H1-7: variants seen among roughly 807,000 people sequenced by gnomAD.
H1-7 encodes the protein testis-specific H1 histone.
H1-7 carries 1 observed loss-of-function variant against 0.3 expected under a neutral mutation model. The observed-to-expected ratio is 3.06, with a 90% CI of 1.09 to 14.53. The LOEUF (loss-of-function observed/expected upper bound fraction) is 14.53. Among genes scored for constraint, H1-7 ranks in the 30% most tolerant of loss-of-function variants. The pLI is 0.12. For missense variants in H1-7, 393 were observed against 353.1 expected, an observed-to-expected ratio of 1.11 and a Z score of -0.91; for synonymous variants, 177 against 153.2, an observed-to-expected ratio of 1.16 and a Z score of -1.15.
chr12:48,329,063 G>GCCGTA lies in H1-7; in HGVS notation c.-229_-228insCCGTA. 1 of 493,140 alleles carries GCCGTA rather than the reference G, an allele frequency of 2.0e-6. No individual in the cohort carries two copies. The highest frequency in any genetic ancestry group is 3.5e-6 in the Non-Finnish European group (1 of 284,518). 30.5% of individuals were successfully genotyped at this position (493,140 alleles called of 1,614,324 possible). A position where few individuals can be genotyped will look rare whatever the true frequency, so the allele number is the denominator to read the frequency against. ...AAGAAAGCGGTGGAGATCGAGATCA[G>GCCGTA]TAAGTTTGATTTGGGAACAAAACCC... is the stretch of plus-strand genomic sequence containing the variant. On this transcript the variant is annotated 5_prime_UTR_variant, in exon 1 of 1. Coordinates refer to ENST00000335017, the MANE Select transcript of H1-7 (RefSeq NM_181788.1).
Position 48,329,961 on chromosome 12 carries a change from G to C in H1-7, c.670G>C (p.Asp224His), listed in dbSNP as rs1173443093. Residue 224 changes from aspartate (D) to histidine (H), a missense_variant, in exon 1 of 1, where the codon GAC becomes CAC. Coordinates refer to ENST00000335017, the MANE Select transcript of H1-7 (RefSeq NM_181788.1). ...GGGGCGAGGACAGGCCGTGAAGGAA[G>C]ACACCACGCCGAGGTCAGGGAAGGA... is the stretch of plus-strand genomic sequence containing the variant. ...DEGRGQAVKE[D>H]TTPRSGKDKR... 6.2e-7 allele frequency: 1 copy of C among 1,612,580 alleles called. No homozygotes were observed.
At position 48,329,324 on chromosome 12, in the gene H1-7, C is replaced by T; in HGVS notation, c.33C>T (p.Ser11=). MEQALTGEAQ[S]RWPRRGGSGA... ...AGGCCTTGACTGGTGAGGCCCAAAGCCGGTGGCCCCGCAGAGGCGGGAGTG... is the reference window on the plus strand; with the variant it reads ...AGGCCTTGACTGGTGAGGCCCAAAGTCGGTGGCCCCGCAGAGGCGGGAGTG... The change falls in exon 1 of 1, where the codon AGC becomes AGT. Residue 11 remains serine (S), a synonymous_variant. Transcript: ENST00000335017. The T allele has an allele frequency of 6.2e-7, 1 of 1,601,446 alleles. No homozygotes were observed. The highest frequency in any genetic ancestry group is 1.1e-5 in the South Asian group (1 of 88,542).
At chr12:48,330,008 CAGGGAAGAGA>C in the H1-7 span, 2 of 1,613,720 alleles carry the variant, frequency 1.2e-6, no homozygotes, top group Non-Finnish European at 1.7e-6. Context: ...GCTCCAAGCC[CAGGGAAGAGA>C]AGCAGGAGCC....
At position 48,329,778 on chromosome 12, in the gene H1-7, A is replaced by G. The variant is rs201036916; in HGVS notation, c.487A>G (p.Lys163Glu). Residue 163 changes from lysine to glutamate, a missense_variant, in exon 1 of 1, where the codon AAG becomes GAG. Transcript: ENST00000335017. ...CCGGAGGCGCCGCCAGCCCCTTCGC[A>G]AGGCGGCCAGGAAGGCCAGAGAAGT... is the stretch of plus-strand genomic sequence containing the variant. Reference protein sequence around the residue: ...SSRRRRQPLRKAARKAREVWR... With the variant: ...SSRRRRQPLREAARKAREVWR... The G allele has an allele frequency of 8.9e-4, 1,416 of 1,599,614 alleles. 16 individuals carry two copies. The highest frequency in any genetic ancestry group is 1.2e-4 in the Non-Finnish European group (140 of 1,174,184).
chr12:48,329,992 G>C lies in H1-7; in HGVS notation c.701G>C (p.Arg234Thr). The C allele has an allele frequency of 6.2e-7, 1 of 1,613,880 alleles. No individual in the cohort carries two copies. Among genetic ancestry groups the C allele is most frequent in the Admixed American group, 1.7e-5 (1 of 60,008 alleles). ...DTTPRSGKDK[R>T]RSSKPREEKQ... ...ACGCCGAGGTCAGGGAAGGACAAGAGGCGAAGCTCCAAGCCCAGGGAAGAG... is the reference window on the plus strand; with the variant it reads ...ACGCCGAGGTCAGGGAAGGACAAGACGCGAAGCTCCAAGCCCAGGGAAGAG... Residue 234 changes from arginine to threonine, a missense_variant, in exon 1 of 1, where the codon AGG becomes ACG. Coordinates refer to ENST00000335017, the MANE Select transcript of H1-7 (RefSeq NM_181788.1).
rs1295992817 is a variant in H1-7, at chr12:48,329,852, G to A, written c.561G>A (p.Arg187=). The change falls in exon 1 of 1, where the codon AGG becomes AGA. Residue 187 remains arginine (R), a synonymous_variant. Coordinates refer to ENST00000335017, the MANE Select transcript of H1-7 (RefSeq NM_181788.1). ...AAGCCAAGGCCAATGCCAGGGCGAG[G>A]AGGACCAGGAGGGCAAGGCCGAGAG... is the stretch of plus-strand genomic sequence containing the variant. The part of the protein sequence containing the change: ...RAKAKANARA[R]RTRRARPRAK... The A allele has an allele frequency of 6.3e-7, 1 of 1,589,822 alleles. No individual in the cohort carries two copies.
rs1952546753 is a variant in H1-7, at chr12:48,329,836, C to G, written c.545C>G (p.Ala182Gly). The change falls in exon 1 of 1, where the codon GCC (alanine) becomes GGC (glycine). Residue 182 changes from alanine to glycine, a missense_variant. Ala to Gly is a moderately conservative substitution (Grantham distance 60, BLOSUM62 0). Transcript: ENST00000335017. ...WRRNARAKAK[A>G]NARARRTRRA... Reference sequence around the variant, plus strand: ...CGGAACGCGAGGGCGAAAGCCAAGGCCAATGCCAGGGCGAGGAGGACCAGG... The same window carrying G: ...CGGAACGCGAGGGCGAAAGCCAAGGGCAATGCCAGGGCGAGGAGGACCAGG... 1 of 1,592,598 alleles carries G rather than the reference C, an allele frequency of 6.3e-7. No individual in the cohort carries two copies. The highest frequency in any genetic ancestry group is 8.5e-7 in the Non-Finnish European group (1 of 1,170,212).
rs368934208 is a variant in H1-7, at chr12:48,329,881, A to C, written c.590A>C (p.Lys197Thr). Reference sequence around the variant, plus strand: ...ACCAGGAGGGCAAGGCCGAGAGCCAAGGAGCCGCCGTGTGCCAGAGCCAAG... The same window carrying C: ...ACCAGGAGGGCAAGGCCGAGAGCCACGGAGCCGCCGTGTGCCAGAGCCAAG... ...RRTRRARPRA[K>T]EPPCARAKEE... The change falls in exon 1 of 1, where the codon AAG becomes ACG. Residue 197 changes from lysine (K) to threonine (T), a missense_variant. Coordinates refer to ENST00000335017, the MANE Select transcript of H1-7 (RefSeq NM_181788.1). The C allele has an allele frequency of 1.9e-6, 3 of 1,589,708 alleles. No individual in the cohort carries two copies. In the African/African-American group the frequency reaches 4.0e-5, roughly 21 times the overall value.
Position 48,329,314 on chromosome 12 carries a change from A to G in H1-7, c.23A>G (p.Glu8Gly). 4 of 1,594,190 alleles carry G rather than the reference A, an allele frequency of 2.5e-6. No homozygotes were observed. The highest frequency in any genetic ancestry group is 3.4e-6 in the Non-Finnish European group (4 of 1,170,892). ...GCTATGGAACAGGCCTTGACTGGTGAGGCCCAAAGCCGGTGGCCCCGCAGA... is the reference window on the plus strand; with the variant it reads ...GCTATGGAACAGGCCTTGACTGGTGGGGCCCAAAGCCGGTGGCCCCGCAGA... MEQALTG[E>G]AQSRWPRRGG... Residue 8 changes from glutamate (E) to glycine (G), a missense_variant, in exon 1 of 1, where the codon GAG (glutamate) becomes GGG (glycine). Glu to Gly is a moderately conservative substitution (Grantham distance 98, BLOSUM62 -2). Transcript: ENST00000335017.
rs1405604027 is a variant in H1-7, at chr12:48,329,921, G to A, written c.630G>A (p.Ala210=). ...CCAGAGCCAAGGAGGAAGCGGGAGC[G>A]ACAGCGGCAGACGAGGGGCGAGGAC... ...PCARAKEEAG[A]TAADEGRGQA... Residue 210 remains alanine, a synonymous_variant, in exon 1 of 1, where the codon GCG becomes GCA. Coordinates refer to ENST00000335017, the MANE Select transcript of H1-7 (RefSeq NM_181788.1). 5 of 1,599,650 alleles carry A rather than the reference G, an allele frequency of 3.1e-6. No individual in the cohort carries two copies. Among genetic ancestry groups the A allele is most frequent in the Non-Finnish European group, 4.3e-6 (5 of 1,173,744 alleles).
At position 48,330,046 on chromosome 12, in the gene H1-7, G is replaced by C; in HGVS notation, c.755G>C (p.Arg252Pro). 1 of 1,611,912 alleles carries C rather than the reference G, an allele frequency of 6.2e-7. No individual in the cohort carries two copies. Among genetic ancestry groups the C allele is most frequent in the Non-Finnish European group, 8.5e-7 (1 of 1,179,436 alleles). ...CAGGAGCCCAAGAAGCCCGCACAGCGGACCATCCAGTAGCCAACGCGGGCT... is the reference window on the plus strand; with the variant it reads ...CAGGAGCCCAAGAAGCCCGCACAGCCGACCATCCAGTAGCCAACGCGGGCT... ...EKQEPKKPAQRTIQ is the reference protein window; with the variant it reads ...EKQEPKKPAQPTIQ The change falls in exon 1 of 1, where the codon CGG becomes CCG. Residue 252 changes from arginine to proline, a missense_variant. Coordinates refer to ENST00000335017, the MANE Select transcript of H1-7 (RefSeq NM_181788.1).
chr12:48,329,687 G>T lies in H1-7; in HGVS notation c.396G>T (p.Pro132=), dbSNP rs369710747. Reference sequence around the variant, plus strand: ...AGGTTCCCAAGCCCAGGAGAAAGCCGGGACGCGCGAGGCAAGAGGAGGGCA... The same window carrying T: ...AGGTTCCCAAGCCCAGGAGAAAGCCTGGACGCGCGAGGCAAGAGGAGGGCA... ...VWKVPKPRRK[P]GRARQEEGTR... The change falls in exon 1 of 1, where the codon CCG becomes CCT. Residue 132 remains proline, a synonymous_variant. Transcript: ENST00000335017. 9 of 1,610,952 alleles carry T rather than the reference G, an allele frequency of 5.6e-6. No homozygotes were observed. The highest frequency in any genetic ancestry group is 6.8e-6 in the Non-Finnish European group (8 of 1,179,448).
In H1-7 at chr12:48,330,184, G is replaced by A; in HGVS notation, c.*125G>A. 1 of 1,086,724 alleles carries A rather than the reference G, an allele frequency of 9.2e-7. No individual in the cohort carries two copies. The highest frequency in any genetic ancestry group is 1.3e-6 in the Non-Finnish European group (1 of 768,208). 67.3% of individuals were successfully genotyped at this position (1,086,724 alleles called of 1,614,324 possible). On this transcript the variant is annotated 3_prime_UTR_variant, in exon 1 of 1. Coordinates refer to ENST00000335017, the MANE Select transcript of H1-7 (RefSeq NM_181788.1). ...CCAGTTGGGAATGCATCTTGTGGGA[G>A]CAGCTTCACTCCCACCACGGACCAA...
chr12:48,330,134 C>A lies in H1-7; in HGVS notation c.*75C>A. The A allele has an allele frequency of 6.9e-7, 1 of 1,448,888 alleles. No individual in the cohort carries two copies. 89.8% of individuals were successfully genotyped at this position (1,448,888 alleles called of 1,614,324 possible). A position where few individuals can be genotyped will look rare whatever the true frequency, so the allele number is the denominator to read the frequency against. On this transcript the variant is annotated 3_prime_UTR_variant, in exon 1 of 1. Coordinates refer to ENST00000335017, the MANE Select transcript of H1-7 (RefSeq NM_181788.1). ...CACTAAAGACTTCCACAAAGACCTC[C>A]CCTAAATCTGAAGGTCTTCCTGATC...
At position 48,329,373 on chromosome 12, in the gene H1-7, C is replaced by T. The variant is rs772308548; in HGVS notation, c.82C>T (p.Pro28Ser). The change falls in exon 1 of 1, where the codon CCC becomes TCC. Residue 28 changes from proline to serine, a missense_variant. Coordinates refer to ENST00000335017, the MANE Select transcript of H1-7 (RefSeq NM_181788.1). Reference protein sequence around the residue: ...GSGAMAEAPGPSGESRGHSAT... With the variant: ...GSGAMAEAPGSSGESRGHSAT... ...TGGGGCCATGGCTGAGGCGCCTGGG[C>T]CCAGTGGCGAATCCCGAGGACACTC... 6.8e-6 allele frequency: 11 copies of T among 1,612,488 alleles called. No individual in the cohort carries two copies. In the South Asian group the frequency reaches 1.2e-4, roughly 18 times the overall value.
rs774294546 is a variant in H1-7 at position 48,329,853 on chromosome 12, A to C, written c.562A>C (p.Arg188=). 4 of 1,589,892 alleles carry C rather than the reference A, an allele frequency of 2.5e-6. No homozygotes were observed. The South Asian group carries it at 4.5e-5, about 18-fold the overall frequency. ...AGCCAAGGCCAATGCCAGGGCGAGG[A>C]GGACCAGGAGGGCAAGGCCGAGAGC... is the stretch of plus-strand genomic sequence containing the variant. The part of the protein sequence containing the change: ...AKAKANARAR[R]TRRARPRAKE... The change falls in exon 1 of 1, where the codon AGG becomes CGG. Residue 188 remains arginine (R), a synonymous_variant. Transcript: ENST00000335017.
Position 48,329,768 on chromosome 12 carries a change from G to A in H1-7, c.477G>A (p.Gln159=). 6.3e-7 allele frequency: 1 copy of A among 1,599,734 alleles called. No individual in the cohort carries two copies. The highest frequency in any genetic ancestry group is 8.5e-7 in the Non-Finnish European group (1 of 1,174,458). ...CCCGGAGCTCCCGGAGGCGCCGCCA[G>A]CCCCTTCGCAAGGCGGCCAGGAAGG... ...AAPRSSRRRR[Q]PLRKAARKAR... The change falls in exon 1 of 1, where the codon CAG becomes CAA. Residue 159 remains glutamine, a synonymous_variant. Transcript: ENST00000335017.
rs751205046 is a variant in H1-7, at chr12:48,329,415, G to C, written c.124G>C (p.Ala42Pro). Reference sequence around the variant, plus strand: ...AGGACACTCAGCCACTCAGCTGCCAGCGGAAAAAACTGTCGGGGGACCATC... The same window carrying C: ...AGGACACTCAGCCACTCAGCTGCCACCGGAAAAAACTGTCGGGGGACCATC... ...SRGHSATQLP[A>P]EKTVGGPSRG... The change falls in exon 1 of 1, where the codon GCG becomes CCG. Residue 42 changes from alanine (A) to proline (P), a missense_variant. Physicochemically the swap from Ala to Pro is conservative, Grantham distance 27 (BLOSUM62 -1). Coordinates refer to ENST00000335017, the MANE Select transcript of H1-7 (RefSeq NM_181788.1). 1 of 1,614,200 alleles carries C rather than the reference G, an allele frequency of 6.2e-7. No homozygotes were observed. Among genetic ancestry groups the C allele is most frequent in the Non-Finnish European group, 8.5e-7 (1 of 1,180,016 alleles).
In H1-7 at chr12:48,329,471, G is replaced by A; in HGVS notation, c.180G>A (p.Val60=). Residue 60 remains valine, a synonymous_variant, in exon 1 of 1, where the codon GTG becomes GTA. Coordinates refer to ENST00000335017, the MANE Select transcript of H1-7 (RefSeq NM_181788.1). ...SRGCSSSVLR[V]SQLVLQAIST... is the part of the protein sequence containing the mutation. ...GCTGCTCAAGCTCCGTGCTCAGAGT[G>A]TCCCAGTTGGTGCTCCAGGCCATCT... The A allele has an allele frequency of 6.2e-7, 1 of 1,614,162 alleles. No homozygotes were observed. The highest frequency in any genetic ancestry group is 1.1e-5 in the South Asian group (1 of 91,060).
Sources: allele counts gnomAD v4.1 joint callset, GRCh38; gene constraint gnomAD v4.1.1; transcripts MANE v1.5; gene names NCBI Gene and HGNC (gene_info 2026-07-23, HGNC 2026-07-21).